The following PBX4 variants were observed in gnomAD, a reference collection of about 807,000 sequenced individuals.
The protein encoded by PBX4 is PBX homeobox 4.
PBX4 carries 26 observed loss-of-function variants against 35.1 expected under a neutral mutation model. The observed-to-expected ratio is 0.74, with a 90% CI of 0.54 to 1.03. The LOEUF (loss-of-function observed/expected upper bound fraction) is 1.03. PBX4 is among the 50% of genes least tolerant of loss of function. The pLI is 0.00. For missense variants in PBX4, 448 were observed against 504.3 expected (o/e 0.89, Z 1.07); for synonymous variants, 199 against 204.2 (o/e 0.97, Z 0.22).
chr19:19,573,326 A>AT lies in PBX4; in HGVS notation c.194-2494_194-2493insA, dbSNP rs1410786143. Among the ~76,000 whole-genome samples the AT allele has an allele frequency of 5.6e-3, 457 of 81,710 alleles. 1 individual carries two copies. The highest frequency in any genetic ancestry group is 0.026 in the South Asian group (69 of 2,684). The allele number at this position is 81,710 out of a possible 152,430, so 53.6% of individuals were successfully genotyped here. On this transcript the variant is annotated intron_variant, in intron 2 of 7. Coordinates refer to ENST00000251203, the MANE Select transcript of PBX4 (RefSeq NM_025245.3). ...ATCTCCAAAAAAAAGAAAAAAAAAA[A>AT]ATATACACACACACACACACACACA...
chr19:19,577,176 C>G (rs912268868), intron 2 of PBX4, among the ~76,000 whole-genome samples: 1 of 136,936 alleles, frequency 7.3e-6, no homozygotes, highest in Non-Finnish European at 1.5e-5. Context: ...ACCTGGGAAA[C>G]AGAGCGAGAC....
rs542360154 is a variant in PBX4, at chr19:19,562,368, G to T, written c.1033-251C>A. On this transcript the variant is annotated intron_variant, in intron 7 of 7. Coordinates refer to ENST00000251203, the MANE Select transcript of PBX4 (RefSeq NM_025245.3). The surrounding 1 kb of genome is among the most constrained non-coding windows in gnomAD (Gnocchi z 4.8). Reference sequence around the variant, plus strand: ...ACTGGCCTCTAGTGGCTTCCCTGGGGCTTAGGCAAAGGACTGACTGGCATC... The same window carrying T: ...ACTGGCCTCTAGTGGCTTCCCTGGGTCTTAGGCAAAGGACTGACTGGCATC... Among the ~76,000 whole-genome samples the T allele has an allele frequency of 6.6e-6, 1 of 152,330 alleles. No individual in the cohort carries two copies. The highest frequency in any genetic ancestry group is 2.4e-5 in the African/African-American group (1 of 41,566).
At chr19:19,569,356 G>T in intron 5 of PBX4, 93 bp downstream of exon 5, 6 of 1,478,656 alleles carry the variant, frequency 4.1e-6, no homozygotes, top group Non-Finnish European at 5.4e-6. Context: ...CCTGGCCTCT[G>T]CACACATTTA....
intron 1 of PBX4, among the ~76,000 whole-genome samples, chr19:19,602,300 T>C (rs922621784): frequency 3.9e-5 from 6 of 152,088 alleles, no homozygotes; most frequent in Admixed American, 6.6e-5. Flanking sequence ...ATGAAGGTCA[T>C]AGGTGACTCA....
intron 1 of PBX4, among the ~76,000 whole-genome samples, chr19:19,607,926 G>C (rs532601704): frequency 2.6e-5 from 4 of 152,136 alleles, no homozygotes; most frequent in Admixed American, 2.6e-4. Context: ...AGGATAGATC[G>C]ATTATCCTTG....
chr19:19,600,897 A>G (rs1167409948), intron 1 of PBX4, among the ~76,000 whole-genome samples: 2 of 152,118 alleles, frequency 1.3e-5, no homozygotes, highest in Non-Finnish European at 2.9e-5. Flanking sequence ...TGTTCACACT[A>G]TGGTCCTGCA....
intron 2 of PBX4, among the ~76,000 whole-genome samples, chr19:19,590,492 AG>A (rs1468525776): frequency 1.4e-5 from 2 of 143,774 alleles, no homozygotes; most frequent in Non-Finnish European, 3.0e-5. Flanking sequence ...TTTTTGAGAG[AG>A]AGTCTTGCTC....
At chr19:19,567,776 GGGAGCTCAC>G (rs1446834385) in intron 5 of PBX4, among the ~76,000 whole-genome samples, 5 of 152,100 alleles carry the variant, frequency 3.3e-5, no homozygotes, top group African/African-American at 1.2e-4. Flanking sequence ...TATAGAGTCA[GGGAGCTCAC>G]ACTCTCTACC....
At chr19:19,607,441 G>A (rs1488874929) in intron 1 of PBX4, among the ~76,000 whole-genome samples, 1 of 152,084 alleles carries the variant, frequency 6.6e-6, no homozygotes, top group Admixed American at 6.6e-5. Flanking sequence ...TGACTTCCAA[G>A]GAGTCTTCTA....
chr19:19,564,993 C>T lies in PBX4; in HGVS notation c.865G>A (p.Asp289Asn). 1 of 1,614,214 alleles carries T rather than the reference C, an allele frequency of 6.2e-7. No individual in the cohort carries two copies. Among genetic ancestry groups the T allele is most frequent in the Non-Finnish European group, 8.5e-7 (1 of 1,180,032 alleles). The part of the protein sequence containing the change: ...ATIYTGKTAV[D>N]TTEVGVPGNH... ...CCTGGGACCCCAACTTCCGTGGTAT[C>T]CACAGCCGTTTTACCCGTGTAAATG... Residue 289 changes from aspartate to asparagine, a missense_variant, in exon 6 of 8, where the codon GAT becomes AAT. Asp to Asn is a conservative substitution (Grantham distance 23, BLOSUM62 1). Transcript: ENST00000251203.
intron 2 of PBX4, among the ~76,000 whole-genome samples, chr19:19,578,605 C>G (rs1390713659): frequency 7.2e-5 from 11 of 152,156 alleles, no homozygotes; most frequent in Non-Finnish European, 1.5e-5. Context: ...CAAAGGTACC[C>G]CCCTCCTCAA....
At chr19:19,570,456 C>T in intron 3 of PBX4, 130 bp downstream of exon 3, 1 of 1,459,074 alleles carries the variant, frequency 6.9e-7, no homozygotes, top group South Asian at 1.3e-5. Context: ...TAACAATGGA[C>T]CACCTCTGCA....
intron 1 of PBX4, 34 bp downstream of exon 1, chr19:19,618,477 C>T: frequency 7.1e-7 from 1 of 1,412,742 alleles, no homozygotes. Context: ...CTGCCACGAC[C>T]CTGCGTGGCC....
Position 19,563,094 on chromosome 19 carries a change from GCC to G in PBX4, c.1032+413_1032+414del, listed in dbSNP as rs1489148987. Among the ~76,000 whole-genome samples, 1 of 152,170 alleles carries G rather than the reference GCC, an allele frequency of 6.6e-6. No individual in the cohort carries two copies. The highest frequency in any genetic ancestry group is 2.4e-5 in the African/African-American group (1 of 41,430). Reference sequence around the variant, plus strand: ...GTCTTCAAGACGGTCCCCACTCGCTGCCTTCCCAGCCAAGCTGCGGCACTGAG... The same window carrying G: ...GTCTTCAAGACGGTCCCCACTCGCTGTTCCCAGCCAAGCTGCGGCACTGAG... On this transcript the variant is annotated intron_variant, in intron 7 of 7. Coordinates refer to ENST00000251203, the MANE Select transcript of PBX4 (RefSeq NM_025245.3). The surrounding 1 kb of genome is among the most constrained non-coding windows in gnomAD (Gnocchi z 5.1).
intron 2 of PBX4, among the ~76,000 whole-genome samples, chr19:19,594,942 G>A (rs553523511): frequency 2.6e-5 from 4 of 152,288 alleles, no homozygotes; most frequent in South Asian, 2.1e-4. Flanking sequence ...GGCTGGTCTC[G>A]AACTCCTGAT....
In PBX4 at chr19:19,569,463, G is replaced by A. The variant is rs372436008; in HGVS notation, c.754C>T (p.Leu252Phe). The A allele has an allele frequency of 1.1e-4, 182 of 1,611,936 alleles. No individual in the cohort carries two copies. The highest frequency in any genetic ancestry group is 1.5e-4 in the Non-Finnish European group (174 of 1,179,130). The change falls in exon 5 of 8, where the codon CTC becomes TTC. Residue 252 changes from leucine (L) to phenylalanine (F), a missense_variant. Leu to Phe is a conservative substitution (Grantham distance 22). Coordinates refer to ENST00000251203, the MANE Select transcript of PBX4 (RefSeq NM_025245.3). ...GAGAACGTCACCTGGGAGATGGTGA[G>A]GCCGCCCTTCCTGGCCAGCTCTTCT... ...AKEELARKGG[L>F]TISQVSNWFG...
chr19:19,586,581 G>T (rs1302815181), intron 2 of PBX4, among the ~76,000 whole-genome samples: 4 of 151,912 alleles, frequency 2.6e-5, no homozygotes, highest in Non-Finnish European at 5.9e-5. Flanking sequence ...TTTTCCAGAT[G>T]TGCCAGGCAG....
chr19:19,569,641 C>G (rs1240335538), intron 4 of PBX4, 57 bp from the exon 5 acceptor site: 2 of 1,584,620 alleles, frequency 1.3e-6, no homozygotes, highest in Non-Finnish European at 1.7e-6. Context: ...GTACCACCCC[C>G]ACCTCTAGTT....
intron 1 of PBX4, among the ~76,000 whole-genome samples, chr19:19,617,743 A>G (rs1430700438): frequency 6.6e-6 from 1 of 152,040 alleles, no homozygotes; most frequent in Non-Finnish European, 1.5e-5. Context: ...CCACTCCTCT[A>G]CTAACCCTTT....
Sources: gnomAD v4.1 joint callset for allele counts (sites outside exome capture counted in the v4.1 genomes callset) on GRCh38, gnomAD v4.1.1 for gene constraint, Gnocchi (gnomAD v3.1) non-coding constraint, MANE v1.5 for transcripts, NCBI Gene and HGNC (gene_info 2026-07-23, HGNC 2026-07-21) for gene names.